ERLIN1: variants seen among roughly 807,000 people sequenced by gnomAD.
ERLIN1 encodes the protein ER lipid raft associated 1.
In ERLIN1, 24 loss-of-function variants were observed where a neutral mutation model predicts 46.9. The observed-to-expected ratio is 0.51, with a 90% CI of 0.37 to 0.72. ERLIN1 has a LOEUF of 0.72. Ranked by LOEUF, ERLIN1 falls within the 30% of genes least tolerant of loss-of-function variation. The pLI is 0.00. For missense variants in ERLIN1, 293 were observed against 417.9 expected (o/e 0.70, Z 2.61); for synonymous variants, 158 against 143.2 (o/e 1.10, Z -0.74).
chr10:100,170,543 G>A (rs948093635), intron 6 of ERLIN1, among the ~76,000 whole-genome samples: 2 of 152,198 alleles, frequency 1.3e-5, no homozygotes, highest in Non-Finnish European at 2.9e-5. Context: ...AAAAGTGAAA[G>A]TGGGGAAAGA....
At chr10:100,160,745 A>C (rs191464101) in intron 8 of ERLIN1, among the ~76,000 whole-genome samples, 13 of 152,264 alleles carry the variant, frequency 8.5e-5, no homozygotes, top group African/African-American at 2.9e-4. Flanking sequence ...TCAGGAATTC[A>C]AGACCAGCCT....
At chr10:100,166,150 T>A (rs1843625692) in intron 7 of ERLIN1, among the ~76,000 whole-genome samples, 1 of 152,204 alleles carries the variant, frequency 6.6e-6, no homozygotes, top group African/African-American at 2.4e-5. Flanking sequence ...CTGGGTGTGG[T>A]GACTCAAGCC....
chr10:100,183,811 C>T lies in ERLIN1; in HGVS notation c.140G>A (p.Ser47Asn), dbSNP rs768673553. The change falls in exon 2 of 11, where the codon AGT (serine) becomes AAT (asparagine). Residue 47 changes from serine to asparagine, a missense_variant. Around this residue, in one of 3 missense-constraint regions of ERLIN1, gnomAD observed 76 missense variants for 77.0 expected, o/e 0.99. Transcript: ENST00000421367. ...CAACATGATATGATAGCCTGGTCCA[C>T]TGGGGCTAGTTAGTAAAGCTCCTCC... The part of the protein sequence containing the change: ...YRGGALLTSP[S>N]GPGYHIMLPF... 5 of 1,613,476 alleles carry T rather than the reference C, an allele frequency of 3.1e-6. No individual in the cohort carries two copies. In the African/African-American group the frequency reaches 6.7e-5, roughly 22 times the overall value.
rs1029860560 is a variant in ERLIN1, at chr10:100,176,487, C to T, written c.305-417G>A. 9.3e-4 allele frequency among the ~76,000 whole-genome samples: 142 copies of T among 152,048 alleles called. 1 individual carries two copies. The highest frequency in any genetic ancestry group is 3.9e-4 in the East Asian group (2 of 5,178). Reference sequence around the variant, plus strand: ...TAAGGCAATTACTGCAAAAGTTTAGCTAAGAGGTAAAGAGAGACTAGGCAA... The same window carrying T: ...TAAGGCAATTACTGCAAAAGTTTAGTTAAGAGGTAAAGAGAGACTAGGCAA... On this transcript the variant is annotated intron_variant, in intron 4 of 10. Coordinates refer to ENST00000421367, the MANE Select transcript of ERLIN1 (RefSeq NM_006459.4).
intron 2 of ERLIN1, among the ~76,000 whole-genome samples, chr10:100,179,599 G>A (rs558160950): frequency 6.6e-6 from 1 of 150,910 alleles, no homozygotes; most frequent in South Asian, 2.1e-4. Context: ...TGGGATTACA[G>A]GTATGCACCA....
In ERLIN1 at chr10:100,152,129, C is replaced by A; in HGVS notation, c.*2G>T. 1 of 1,596,184 alleles carries A rather than the reference C, an allele frequency of 6.3e-7. No homozygotes were observed. The highest frequency in any genetic ancestry group is 8.6e-7 in the Non-Finnish European group (1 of 1,163,610). The stretch of plus-strand genomic sequence containing the variant: ...ATATGGAGAACATTTCCACCTCTTG[C>A]ATCAACCTGTGCTCTCTTTGTTTTG... On this transcript the variant is annotated 3_prime_UTR_variant, in exon 11 of 11. Transcript: ENST00000421367.
chr10:100,167,309 C>T (rs377162835), intron 7 of ERLIN1, 39 bp downstream of exon 7: 57 of 1,417,230 alleles, frequency 4.0e-5, no homozygotes, highest in Non-Finnish European at 5.6e-5. Flanking sequence ...TGCAGACAGC[C>T]CTAAACAGAA....
At chr10:100,171,895 A>G (rs1844018297) in intron 6 of ERLIN1, among the ~76,000 whole-genome samples, 2 of 152,256 alleles carry the variant, frequency 1.3e-5, no homozygotes, top group South Asian at 4.1e-4. Flanking sequence ...GCATCTGCTA[A>G]TTATTTGGGT....
chr10:100,155,915 T>G (rs1475614917), intron 9 of ERLIN1, among the ~76,000 whole-genome samples: 1 of 152,158 alleles, frequency 6.6e-6, no homozygotes, highest in Non-Finnish European at 1.5e-5. Context: ...AAGCCCCAAT[T>G]TAAGGAAGAA....
chr10:100,182,190 A>ATTT (rs765187061), intron 2 of ERLIN1, among the ~76,000 whole-genome samples: 2 of 127,122 alleles, frequency 1.6e-5, no homozygotes, highest in Admixed American at 8.0e-5. Context: ...TAGAGCCTTG[A>ATTT]TTTTTTTTTT....
intron 5 of ERLIN1, 135 bp from the exon 6 acceptor site, chr10:100,174,416 T>C (rs371971687): frequency 2.5e-5 from 15 of 602,648 alleles, no homozygotes; most frequent in Admixed American, 2.8e-5. Flanking sequence ...TTAAACTGCC[T>C]TTTCTTCCCT....
chr10:100,169,334 G>A (rs1281971954), intron 6 of ERLIN1, among the ~76,000 whole-genome samples: 1 of 151,808 alleles, frequency 6.6e-6, no homozygotes, highest in Non-Finnish European at 1.5e-5. Context: ...TATATGTATT[G>A]AAACTGACCC....
intron 6 of ERLIN1, 149 bp from the exon 7 acceptor site, chr10:100,167,555 G>C: frequency 1.6e-6 from 1 of 627,038 alleles, no homozygotes; most frequent in South Asian, 2.0e-5. Flanking sequence ...GATCCCACCA[G>C]AACATTTACT....
intron 8 of ERLIN1, among the ~76,000 whole-genome samples, chr10:100,157,894 A>G (rs1843158400): frequency 6.6e-6 from 1 of 152,278 alleles, no homozygotes; most frequent in African/African-American, 2.4e-5. Context: ...ATGGTGCAAA[A>G]GGCCAAAAGG....
intron 6 of ERLIN1, among the ~76,000 whole-genome samples, chr10:100,167,869 A>G (rs907327980): frequency 4.6e-5 from 7 of 152,272 alleles, no homozygotes; most frequent in African/African-American, 1.7e-4. Flanking sequence ...GTGAGTAGTG[A>G]GTAAATTAAT....
intron 1 of ERLIN1, 101 bp downstream of exon 1, chr10:100,185,413 T>C: frequency 1.1e-6 from 1 of 898,546 alleles, no homozygotes; most frequent in Non-Finnish European, 1.8e-6. Context: ...AGATGGGACA[T>C]GCGCCCCCGA....
intron 2 of ERLIN1, among the ~76,000 whole-genome samples, chr10:100,180,116 C>T (rs964734391): frequency 5.3e-5 from 8 of 152,194 alleles, no homozygotes; most frequent in African/African-American, 1.4e-4. Flanking sequence ...AGAAGTGCTA[C>T]CACCAGTACT....
chr10:100,174,096 A>G, intron 6 of ERLIN1, 112 bp downstream of exon 6: 2 of 697,332 alleles, frequency 2.9e-6, no homozygotes. Context: ...AAGGTATTCT[A>G]TAAATCACCA....
chr10:100,169,927 A>G (rs1843889083), intron 6 of ERLIN1, among the ~76,000 whole-genome samples: 1 of 152,184 alleles, frequency 6.6e-6, no homozygotes, highest in African/African-American at 2.4e-5. Context: ...CTAAGGCAGG[A>G]GAATCACTTG....
Sources: allele counts gnomAD v4.1 joint callset (sites outside exome capture counted in the v4.1 genomes callset), GRCh38; gene constraint gnomAD v4.1.1; regional missense constraint gnomAD v4.1.1; transcripts MANE v1.5; gene names NCBI Gene and HGNC (gene_info 2026-07-23, HGNC 2026-07-21).